Variants in GLRA3 observed in about 807,000 individuals in gnomAD.
GLRA3 encodes glycine receptor alpha 3, also known as glycine receptor subunit alpha-3.
GLRA3 carries 44 observed loss-of-function variants against 60.4 expected under a neutral mutation model. That is an observed-to-expected ratio of 0.73 (90% CI 0.57 to 0.94). GLRA3 has a LOEUF of 0.94. Among genes scored for constraint, GLRA3 ranks in the 40% least tolerant of loss-of-function variants. GLRA3 has a pLI of 0.00. For synonymous variants in GLRA3, 223 were observed against 192.9 expected (o/e 1.16, Z -1.29); for missense variants, 508 against 564.6 (o/e 0.90, Z 1.02).
intron 7 of GLRA3, among the ~76,000 whole-genome samples, chr4:174,670,014 GAC>G (rs1183078918): frequency 6.6e-6 from 1 of 152,174 alleles, no homozygotes; most frequent in African/African-American, 2.4e-5. Flanking sequence ...ATTTTGAAAA[GAC>G]ACAGTTATCT....
chr4:174,786,826 A>G (rs1209762246), intron 2 of GLRA3, among the ~76,000 whole-genome samples: 2 of 152,150 alleles, frequency 1.3e-5, no homozygotes, highest in African/African-American at 4.8e-5. Flanking sequence ...AGCACAAGAT[A>G]TTTTGAAAAA....
intron 1 of GLRA3, among the ~76,000 whole-genome samples, chr4:174,809,480 C>T (rs1740177797): frequency 6.6e-6 from 1 of 152,156 alleles, no homozygotes; most frequent in Non-Finnish European, 1.5e-5. Context: ...CACCTGTAAT[C>T]TCAGCACTTT....
chr4:174,814,242 T>C (rs1008585289), intron 1 of GLRA3, among the ~76,000 whole-genome samples: 1 of 152,164 alleles, frequency 6.6e-6, no homozygotes, highest in African/African-American at 2.4e-5. Context: ...TCAGGTTGCA[T>C]GAATGAATTG....
chr4:174,774,787 T>C (rs1462966827), intron 2 of GLRA3, among the ~76,000 whole-genome samples: 2 of 152,182 alleles, frequency 1.3e-5, no homozygotes, highest in Non-Finnish European at 2.9e-5. Context: ...AGAGAGTGGA[T>C]GAAATTTGAA....
intron 1 of GLRA3, among the ~76,000 whole-genome samples, chr4:174,809,826 G>A (rs1037198922): frequency 6.6e-6 from 1 of 152,116 alleles, no homozygotes; most frequent in African/African-American, 2.4e-5. Flanking sequence ...GCTATGAACA[G>A]CATTAGAGTG....
At chr4:174,738,053 A>T (rs2111162276) in intron 3 of GLRA3, among the ~76,000 whole-genome samples, 1 of 152,326 alleles carries the variant, frequency 6.6e-6, no homozygotes, top group African/African-American at 2.4e-5. Flanking sequence ...TTTCTGAGCA[A>T]TTCAGATAAT....
intron 1 of GLRA3, among the ~76,000 whole-genome samples, chr4:174,820,461 T>C (rs957883767): frequency 6.6e-6 from 1 of 152,160 alleles, no homozygotes; most frequent in Non-Finnish European, 1.5e-5. Flanking sequence ...ACTGGGAATG[T>C]ATTTTGGTCC....
chr4:174,792,996 C>T (rs1009515236), intron 1 of GLRA3, among the ~76,000 whole-genome samples: 26 of 152,260 alleles, frequency 1.7e-4, no homozygotes, highest in African/African-American at 6.3e-4. Context: ...CCACAAATCC[C>T]ACTGTTTTTA....
intron 3 of GLRA3, among the ~76,000 whole-genome samples, chr4:174,748,451 A>G (rs1361715639): frequency 6.6e-6 from 1 of 152,188 alleles, no homozygotes; most frequent in Non-Finnish European, 1.5e-5. Context: ...CTAGAAATAA[A>G]CAAATCCAGG....
At chr4:174,707,742 A>G (rs984186651) in intron 5 of GLRA3, among the ~76,000 whole-genome samples, 2 of 152,206 alleles carry the variant, frequency 1.3e-5, no homozygotes, top group Admixed American at 1.3e-4. Flanking sequence ...TAAAATGACC[A>G]ATGGTTGTAT....
At chr4:174,717,269 A>G (rs1469659538) in intron 4 of GLRA3, among the ~76,000 whole-genome samples, 2 of 147,842 alleles carry the variant, frequency 1.4e-5, no homozygotes, top group Non-Finnish European at 3.0e-5. Context: ...AGGGAGGGAG[A>G]GAGAGAGAGA....
intron 1 of GLRA3, among the ~76,000 whole-genome samples, chr4:174,820,007 T>C (rs1458886375): frequency 6.6e-6 from 1 of 152,228 alleles, no homozygotes; most frequent in Non-Finnish European, 1.5e-5. Flanking sequence ...CTACAACTAT[T>C]ATGGTATGAA....
intron 9 of GLRA3, among the ~76,000 whole-genome samples, chr4:174,652,016 A>C (rs760343643): frequency 2.0e-5 from 3 of 151,856 alleles, no homozygotes; most frequent in Non-Finnish European, 4.4e-5. Flanking sequence ...TAAAAACATC[A>C]AGTTTTTTTT....
intron 5 of GLRA3, among the ~76,000 whole-genome samples, chr4:174,695,883 C>T (rs977420417): frequency 9.2e-5 from 14 of 152,114 alleles, no homozygotes; most frequent in Non-Finnish European, 1.6e-4. Context: ...TAAACAACTT[C>T]AGCAAAGTTT....
At position 174,772,769 on chromosome 4, in the gene GLRA3, C is replaced by T. The variant is rs1365571644; in HGVS notation, c.200-5739G>A. On this transcript the variant is annotated intron_variant, in intron 2 of 9. Transcript: ENST00000274093. ...TGGAAGTGTAGGAACTAACATGACT[C>T]GTGAATGTTTGCATGAACAGGCAAA... Among the ~76,000 whole-genome samples the T allele has an allele frequency of 3.3e-5, 5 of 152,018 alleles. No individual in the cohort carries two copies. In the South Asian group the frequency reaches 8.3e-4, roughly 25 times the overall value.
chr4:174,688,318 CATATATATAT>C (rs553159490), intron 5 of GLRA3, among the ~76,000 whole-genome samples: 2,748 of 34,512 alleles, frequency 0.08, 112 homozygotes, highest in East Asian at 0.22. Context: ...TACCTGACAT[CATATATATAT>C]ATATATATAT....
chr4:174,659,324 G>T, intron 7 of GLRA3, 127 bp from the exon 8 acceptor site: 1 of 677,438 alleles, frequency 1.5e-6, no homozygotes, highest in Non-Finnish European at 2.3e-6. Flanking sequence ...TAAAGAAAAT[G>T]ACAATTTTTT....
At chr4:174,725,588 C>T (rs1736293038) in intron 4 of GLRA3, among the ~76,000 whole-genome samples, 1 of 152,142 alleles carries the variant, frequency 6.6e-6, no homozygotes, top group African/African-American at 2.4e-5. Context: ...TCAAGAGATC[C>T]TCCCACCTTA....
chr4:174,641,089 T>C lies in GLRA3; in HGVS notation c.*2697A>G, dbSNP rs1732613514. 1 of 152,064 alleles carries C rather than the reference T, an allele frequency of 6.6e-6. No homozygotes were observed. Among genetic ancestry groups the C allele is most frequent in the East Asian group, 1.9e-4 (1 of 5,196 alleles). The allele number at this position is 152,064 out of a possible 1,614,324, so 9.4% of individuals were successfully genotyped here. A position where few individuals can be genotyped will look rare whatever the true frequency, so the allele number is the denominator to read the frequency against. On this transcript the variant is annotated 3_prime_UTR_variant, in exon 10 of 10. Coordinates refer to ENST00000274093, the MANE Select transcript of GLRA3 (RefSeq NM_006529.4). Reference sequence around the variant, plus strand: ...GCCTATAAATTCATATGCTATGGAATCAAATATTTCAATGATTGACATACA... The same window carrying C: ...GCCTATAAATTCATATGCTATGGAACCAAATATTTCAATGATTGACATACA...
Sources: gnomAD v4.1 joint callset for allele counts (sites outside exome capture counted in the v4.1 genomes callset) on GRCh38, gnomAD v4.1.1 for gene constraint, MANE v1.5 for transcripts, NCBI Gene and HGNC (gene_info 2026-07-23, HGNC 2026-07-21) for gene names.